Variants in PTPRD observed in about 807,000 individuals in gnomAD.
PTPRD encodes the protein protein tyrosine phosphatase receptor type D, also known as receptor-type tyrosine-protein phosphatase delta.
Under a neutral mutation model 214.5 loss-of-function variants are expected in PTPRD, and 34 were observed. The observed-to-expected ratio is 0.16, with a 90% CI of 0.12 to 0.21. The LOEUF (loss-of-function observed/expected upper bound fraction) is 0.21, where lower values mean the gene tolerates loss of function less well. Among genes scored for constraint, PTPRD ranks in the 10% least tolerant of loss-of-function variants. The pLI is 1.00. For missense variants in PTPRD, 2,545 were observed against 2,398.7 expected, an observed-to-expected ratio of 1.06 and a Z score of -1.27; for synonymous variants, 1,128 against 845.7, an observed-to-expected ratio of 1.33 and a Z score of -5.79.
chr9:10,286,217 T>C (rs1187643312), intron 3 of PTPRD, among the ~76,000 whole-genome samples: 1 of 152,044 alleles, frequency 6.6e-6, no homozygotes, highest in Non-Finnish European at 1.5e-5. Context: ...ATAATAGCAA[T>C]ATTGCTTTAA....
chr9:9,410,243 G>C (rs1182889086), intron 8 of PTPRD, among the ~76,000 whole-genome samples: 1 of 152,186 alleles, frequency 6.6e-6, no homozygotes, highest in East Asian at 1.9e-4. Flanking sequence ...ATGGGTGCTT[G>C]AAATTCAGTA....
intron 9 of PTPRD, among the ~76,000 whole-genome samples, chr9:9,254,634 G>T (rs559775271): frequency 6.6e-6 from 1 of 152,014 alleles, no homozygotes; most frequent in Non-Finnish European, 1.5e-5. Context: ...ATTTGGAGTT[G>T]GTTCCTCTAA....
chr9:10,356,516 C>T (rs1427042266), intron 2 of PTPRD, among the ~76,000 whole-genome samples: 1 of 152,072 alleles, frequency 6.6e-6, no homozygotes, highest in Admixed American at 6.6e-5. Context: ...TATATAGGCA[C>T]TTAATATTCC....
At chr9:10,367,756 T>C (rs929723950) in intron 2 of PTPRD, among the ~76,000 whole-genome samples, 5 of 152,106 alleles carry the variant, frequency 3.3e-5, no homozygotes, top group African/African-American at 1.2e-4. Flanking sequence ...AAAGTGTTAT[T>C]TTATGTCAAG....
intron 11 of PTPRD, among the ~76,000 whole-genome samples, chr9:8,905,268 CCT>C: frequency 6.6e-6 from 1 of 151,776 alleles, no homozygotes. Context: ...CATTTCTGTT[CCT>C]GTTTTCATAG....
intron 2 of PTPRD, among the ~76,000 whole-genome samples, chr9:10,580,561 G>A (rs1457151603): frequency 6.6e-6 from 1 of 152,074 alleles, no homozygotes; most frequent in Admixed American, 6.6e-5. Flanking sequence ...ATATGGGATT[G>A]AGTAGAAATG....
chr9:9,194,436 G>T (rs2099937049), intron 9 of PTPRD, among the ~76,000 whole-genome samples: 1 of 152,086 alleles, frequency 6.6e-6, no homozygotes, highest in Non-Finnish European at 1.5e-5. Context: ...AACTGGCAGT[G>T]CATAGGTTTG....
rs538223389 is a variant in PTPRD at position 9,524,510 on chromosome 9, T to C, written c.-237+50222A>G. Among the ~76,000 whole-genome samples, 81 of 152,304 alleles carry C rather than the reference T, an allele frequency of 5.3e-4. 1 individual carries two copies. The highest frequency in any genetic ancestry group is 7.9e-4 in the Non-Finnish European group (54 of 68,020). On this transcript the variant is annotated intron_variant, in intron 8 of 45. Transcript: ENST00000381196. ...TCATTTAAACTGTAGAAAAGTCCCA[T>C]AGGGTACTCAACATTTGTTAGAAAT...
intron 9 of PTPRD, among the ~76,000 whole-genome samples, chr9:9,291,404 C>T (rs1177068823): frequency 1.1e-4 from 16 of 151,314 alleles, no homozygotes; most frequent in Admixed American, 9.3e-4. Flanking sequence ...AGAAGATGCC[C>T]CCAACGGAGG....
intron 9 of PTPRD, among the ~76,000 whole-genome samples, chr9:9,265,950 C>G (rs1939349549): frequency 6.6e-6 from 1 of 151,492 alleles, no homozygotes; most frequent in South Asian, 2.1e-4. Context: ...CTAAATGGTT[C>G]AGTAAACAAG....
intron 10 of PTPRD, among the ~76,000 whole-genome samples, chr9:9,072,672 T>C (rs2099745495): frequency 6.6e-6 from 1 of 152,210 alleles, no homozygotes; most frequent in Non-Finnish European, 1.5e-5. Context: ...ATTAGAGTCC[T>C]GTGATTTGTA....
chr9:10,051,553 A>T (rs1396992433), intron 3 of PTPRD, among the ~76,000 whole-genome samples: 2 of 151,588 alleles, frequency 1.3e-5, no homozygotes, highest in Non-Finnish European at 2.9e-5. Context: ...GCACCCATTA[A>T]CTCGTCATTT....
rs181789739 is a variant in PTPRD at position 8,478,910 on chromosome 9, G to A, written c.3413+5209C>T. On this transcript the variant is annotated intron_variant, in intron 30 of 45. Coordinates refer to ENST00000381196, the MANE Select transcript of PTPRD (RefSeq NM_002839.4). ...TTAACTTGGCCAGAAATGACAGCAT[G>A]GTTTCTGTTGGTCAAGAAAACAGGT... 2.7e-3 allele frequency among the ~76,000 whole-genome samples: 405 copies of A among 152,264 alleles called. 2 individuals are homozygous for A. The highest frequency in any genetic ancestry group is 4.1e-3 in the Non-Finnish European group (278 of 68,022).
intron 11 of PTPRD, among the ~76,000 whole-genome samples, chr9:8,734,884 T>C (rs117075181): frequency 1.6e-3 from 240 of 152,266 alleles, no homozygotes; most frequent in Non-Finnish European, 2.6e-3. Context: ...AACTAGGCCT[T>C]GAAGTTTAAC....
chr9:8,456,896 T>A (rs772070235), intron 33 of PTPRD, among the ~76,000 whole-genome samples: 1 of 152,224 alleles, frequency 6.6e-6, no homozygotes, highest in African/African-American at 2.4e-5. Context: ...TTTATCCATC[T>A]TGAAATGCTT....
chr9:10,554,979 G>A (rs190685285), intron 2 of PTPRD, among the ~76,000 whole-genome samples: 1 of 152,244 alleles, frequency 6.6e-6, no homozygotes, highest in East Asian at 1.9e-4. Flanking sequence ...TAAAGATCAT[G>A]ATGTCTACCA....
chr9:10,590,040 A>G (rs916182600), intron 2 of PTPRD, among the ~76,000 whole-genome samples: 1 of 152,078 alleles, frequency 6.6e-6, no homozygotes, highest in Non-Finnish European at 1.5e-5. Context: ...ACCAAGTGTA[A>G]TAATGTTCCA....
intron 7 of PTPRD, among the ~76,000 whole-genome samples, chr9:9,579,580 C>T (rs965369098): frequency 6.6e-6 from 1 of 152,034 alleles, no homozygotes; most frequent in African/African-American, 2.4e-5. Flanking sequence ...TAATCCTCCC[C>T]TGCCACCTCC....
At chr9:9,976,762 T>C (rs1161522142) in intron 4 of PTPRD, among the ~76,000 whole-genome samples, 1 of 150,038 alleles carries the variant, frequency 6.7e-6, no homozygotes, top group Non-Finnish European at 1.5e-5. Flanking sequence ...TGACTATTAA[T>C]GGCAAGTCTG....
Sources: allele counts gnomAD v4.1 joint callset (sites outside exome capture counted in the v4.1 genomes callset), GRCh38; gene constraint gnomAD v4.1.1; transcripts MANE v1.5; gene names NCBI Gene and HGNC (gene_info 2026-07-23, HGNC 2026-07-21).